Variants in CYP2C18 observed in about 807,000 individuals in gnomAD.
CYP2C18 encodes the protein cytochrome P450 2C18.
CYP2C18 carries 38 observed loss-of-function variants against 41.3 expected under a neutral mutation model. The observed-to-expected ratio is 0.92, with a 90% CI of 0.71 to 1.21. The LOEUF (loss-of-function observed/expected upper bound fraction) is 1.21. CYP2C18 is among the 50% of genes most tolerant of loss of function. CYP2C18 has a pLI of 0.00. For synonymous variants in CYP2C18, 236 were observed against 210.0 expected (o/e 1.12, Z -1.07); for missense variants, 635 against 591.4 (o/e 1.07, Z -0.77).
chr10:94,696,983 A>C (rs1847130175), intron 4 of CYP2C18, among the ~76,000 whole-genome samples: 1 of 152,216 alleles, frequency 6.6e-6, no homozygotes, highest in African/African-American at 2.4e-5. Flanking sequence ...GACTATGTGA[A>C]AAGACCAAAT....
chr10:94,718,702 C>A (rs1384863641), intron 5 of CYP2C18, among the ~76,000 whole-genome samples: 1 of 152,096 alleles, frequency 6.6e-6, no homozygotes, highest in East Asian at 1.9e-4. Context: ...ATCCCTTTCT[C>A]TGCCATGATC....
intron 5 of CYP2C18, among the ~76,000 whole-genome samples, chr10:94,711,114 G>A (rs573756226): frequency 1.3e-5 from 2 of 152,118 alleles, no homozygotes; most frequent in South Asian, 4.2e-4. Flanking sequence ...TCAGTCCCTT[G>A]TCCTAAGCAT....
intron 7 of CYP2C18, among the ~76,000 whole-genome samples, chr10:94,729,441 GAAATATGCTGTGGCAAAAAGC>G (rs1026048226): frequency 1.5e-4 from 23 of 152,124 alleles, no homozygotes; most frequent in African/African-American, 5.3e-4. Flanking sequence ...AACAGGCAAG[GAAATATGCTGTGGCAAAAAGC>G]ATTAAGTAGT....
chr10:94,717,837 C>T (rs1248594614), intron 5 of CYP2C18, among the ~76,000 whole-genome samples: 1 of 152,082 alleles, frequency 6.6e-6, no homozygotes, highest in African/African-American at 2.4e-5. Context: ...CAGTACCATG[C>T]TGTTTTAATT....
chr10:94,726,759 G>A (rs1332583944), intron 7 of CYP2C18, among the ~76,000 whole-genome samples: 1 of 152,058 alleles, frequency 6.6e-6, no homozygotes. Flanking sequence ...ATCTTTTCCA[G>A]TGCCTTCTAA....
chr10:94,694,002 A>G (rs996218136), intron 3 of CYP2C18, among the ~76,000 whole-genome samples: 3 of 152,140 alleles, frequency 2.0e-5, no homozygotes, highest in Admixed American at 6.6e-5. Context: ...ATAGTAATTT[A>G]TTGATTTGTA....
At chr10:94,717,963 T>G (rs759791559) in intron 5 of CYP2C18, among the ~76,000 whole-genome samples, 1 of 152,192 alleles carries the variant, frequency 6.6e-6, no homozygotes, top group Admixed American at 6.6e-5. Context: ...ATGAATTTTT[T>G]GGGGATGACT....
In CYP2C18 at chr10:94,735,611, G is replaced by A. The variant is rs537972253; in HGVS notation, c.*167G>A. ...GAACATCCAACCTCCATTAAAGAGA[G>A]TTTCTTGGGTCACTTCCTAAATATA... On this transcript the variant is annotated 3_prime_UTR_variant, in exon 9 of 9. Coordinates refer to ENST00000285979, the MANE Select transcript of CYP2C18 (RefSeq NM_000772.3). The A allele has an allele frequency of 1.2e-5, 8 of 667,772 alleles. No individual in the cohort carries two copies. Among genetic ancestry groups the A allele is most frequent in the African/African-American group, 1.1e-4 (6 of 55,400 alleles). 41.4% of individuals were successfully genotyped at this position (667,772 alleles called of 1,614,324 possible). A position where few individuals can be genotyped will look rare whatever the true frequency, so the allele number is the denominator to read the frequency against.
chr10:94,684,921 A>AT (rs1846857128), intron 1 of CYP2C18, among the ~76,000 whole-genome samples: 1 of 152,042 alleles, frequency 6.6e-6, no homozygotes, highest in South Asian at 2.1e-4. Context: ...TGTGGTTTTA[A>AT]TTTGCATTTC....
At position 94,724,416 on chromosome 10, in the gene CYP2C18, C is replaced by T; in HGVS notation, c.1032C>T (p.His344=). 1.2e-6 allele frequency: 2 copies of T among 1,613,654 alleles called. No individual in the cohort carries two copies. The highest frequency in any genetic ancestry group is 1.1e-5 in the South Asian group (1 of 91,070). Residue 344 remains histidine, a synonymous_variant, in exon 7 of 9, where the codon CAC becomes CAT. Transcript: ENST00000285979. The stretch of plus-strand genomic sequence containing the variant: ...GCCCCTGTATGCAGGACAGGAGTCA[C>T]ATGCCCTACACAGATGCTGTGGTGC... ...NRSPCMQDRS[H]MPYTDAVVHE... is the part of the protein sequence containing the mutation.
rs74152320 is a variant in CYP2C18 at position 94,707,098 on chromosome 10, G to A, written c.819+138G>A. 4,290 of 543,956 alleles carry A rather than the reference G, an allele frequency of 7.9e-3. 137 individuals carry two copies. The highest frequency in any genetic ancestry group is 0.076 in the African/African-American group (3,647 of 48,302). The allele number at this position is 543,956 out of a possible 1,614,324, so 33.7% of individuals were successfully genotyped here. On this transcript the variant is annotated intron_variant, in intron 5 of 8. Transcript: ENST00000285979. ...GTATAGATCTGGATGAAGCACCATG[G>A]AGAATTTATAATTGAATTGTTAAAC...
chr10:94,729,440 G>A lies in CYP2C18; in HGVS notation c.1150-3857G>A, dbSNP rs926829355. Among the ~76,000 whole-genome samples the A allele has an allele frequency of 8.6e-5, 13 of 152,004 alleles. 1 individual carries two copies. The highest frequency in any genetic ancestry group is 6.2e-4 in the South Asian group (3 of 4,818). ...TCTTCCTAACAGCTCCAACAGGCAA[G>A]GAAATATGCTGTGGCAAAAAGCATT... On this transcript the variant is annotated intron_variant, in intron 7 of 8. Coordinates refer to ENST00000285979, the MANE Select transcript of CYP2C18 (RefSeq NM_000772.3).
At chr10:94,700,777 GA>G (rs1267383665) in intron 4 of CYP2C18, among the ~76,000 whole-genome samples, 2 of 151,790 alleles carry the variant, frequency 1.3e-5, no homozygotes, top group African/African-American at 2.4e-5. Flanking sequence ...TAATTTACAA[GA>G]AAAAAAGAAC....
intron 5 of CYP2C18, among the ~76,000 whole-genome samples, chr10:94,714,065 T>C (rs576361808): frequency 6.6e-6 from 1 of 152,346 alleles, no homozygotes; most frequent in South Asian, 2.1e-4. Flanking sequence ...TCTTTGTAGA[T>C]TCTGGATATT....
chr10:94,694,175 T>A (rs188033318), intron 3 of CYP2C18, among the ~76,000 whole-genome samples: 1 of 152,308 alleles, frequency 6.6e-6, no homozygotes, highest in East Asian at 1.9e-4. Flanking sequence ...CACCATTTCT[T>A]AGAGCAGGAA....
At chr10:94,707,665 C>T (rs1847367155) in intron 5 of CYP2C18, among the ~76,000 whole-genome samples, 1 of 152,110 alleles carries the variant, frequency 6.6e-6, no homozygotes, top group Admixed American at 6.6e-5. Flanking sequence ...AAACTTGCTA[C>T]AAGACATTTC....
intron 5 of CYP2C18, among the ~76,000 whole-genome samples, chr10:94,707,800 A>G (rs960460699): frequency 3.3e-5 from 5 of 152,192 alleles, no homozygotes; most frequent in Non-Finnish European, 7.3e-5. Context: ...AGAGGATCAG[A>G]TAGGAGCCAA....
At chr10:94,721,479 A>G (rs1295995044) in intron 6 of CYP2C18, among the ~76,000 whole-genome samples, 3 of 152,042 alleles carry the variant, frequency 2.0e-5, no homozygotes, top group Non-Finnish European at 4.4e-5. Flanking sequence ...ATTTTTATAG[A>G]CTTAGGGGTA....
chr10:94,694,916 G>A lies in CYP2C18; in HGVS notation c.482-1G>A, dbSNP rs370796169. 5.6e-5 allele frequency: 90 copies of A among 1,611,088 alleles called. No individual in the cohort carries two copies. The highest frequency in any genetic ancestry group is 7.5e-5 in the Non-Finnish European group (88 of 1,179,290). On this transcript the variant is annotated splice_acceptor_variant, in intron 3 of 8. Transcript: ENST00000285979. LOFTEE classifies it high-confidence loss of function. The stretch of plus-strand genomic sequence containing the variant: ...AATTTAAAATATTTCCAATCCTTTA[G>A]CCTCACCCTGTGATCCCACTTTCAT...
Sources: allele counts gnomAD v4.1 joint callset (sites outside exome capture counted in the v4.1 genomes callset), GRCh38; gene constraint gnomAD v4.1.1; transcripts MANE v1.5; gene names NCBI Gene and HGNC (gene_info 2026-07-23, HGNC 2026-07-21).